The following MAF variants were observed in gnomAD, a reference collection of about 807,000 sequenced individuals.
The protein encoded by MAF is transcription factor Maf.
Under a neutral mutation model 22.0 loss-of-function variants are expected in MAF, and 10 were observed. That is an observed-to-expected ratio of 0.45 (90% confidence interval 0.28 to 0.77). The LOEUF is 0.77. Ranked by LOEUF, MAF falls within the 30% of genes least tolerant of loss-of-function variation. The probability of loss-of-function intolerance (pLI) is 0.12; values close to 1 mark genes in which losing one functional copy is unlikely to be tolerated. For synonymous variants in MAF, 337 were observed against 255.8 expected (o/e 1.32, Z -3.03); for missense variants, 544 against 548.4 (o/e 0.99, Z 0.08).
At chr16:79,496,208 A>G in the MAF span, among the ~76,000 whole-genome samples, 1 of 152,222 alleles carries the variant, frequency 6.6e-6, no homozygotes, top group South Asian at 2.1e-4. Context: ...TCAGATGGAA[A>G]TAAGTCTTAA....
At chr16:79,376,868 G>T in the MAF span, among the ~76,000 whole-genome samples, 1 of 152,126 alleles carries the variant, frequency 6.6e-6, no homozygotes, top group East Asian at 1.9e-4. Flanking sequence ...ATTTTTTATG[G>T]CTGCATAGTA....
At chr16:79,435,630 A>G in the MAF span, among the ~76,000 whole-genome samples, 1 of 152,184 alleles carries the variant, frequency 6.6e-6, no homozygotes, top group East Asian at 1.9e-4. Flanking sequence ...ACAGCTGGCC[A>G]GTGGCAGTTT....
At chr16:79,561,422 C>T in the MAF span, among the ~76,000 whole-genome samples, 113 of 151,418 alleles carry the variant, frequency 7.5e-4, no homozygotes, top group Non-Finnish European at 1.1e-3. Flanking sequence ...CCCATTAACT[C>T]GTCATTTACC....
chr16:79,216,774 T>A, the MAF span, among the ~76,000 whole-genome samples: 1 of 152,102 alleles, frequency 6.6e-6, no homozygotes, highest in Non-Finnish European at 1.5e-5. Flanking sequence ...ATTTGTAGTA[T>A]ATGATTTATG....
chr16:79,277,131 G>T, the MAF span, among the ~76,000 whole-genome samples: 1,511 of 152,202 alleles, frequency 9.9e-3, 27 homozygotes, highest in African/African-American at 0.034. Context: ...TCAAACTACT[G>T]GGTTCAAGCG....
chr16:79,236,995 G>T, the MAF span, among the ~76,000 whole-genome samples: 3 of 151,140 alleles, frequency 2.0e-5, no homozygotes, highest in Non-Finnish European at 4.4e-5. Flanking sequence ...CTTATGAGTT[G>T]GTTTAGAATC....
chr16:79,570,386 G>A, the MAF span, among the ~76,000 whole-genome samples: 172 of 152,012 alleles, frequency 1.1e-3, 1 homozygote, highest in African/African-American at 4.0e-3. Context: ...ACCCAGCCAT[G>A]TTCCCTCCTA....
chr16:79,473,589 G>A, the MAF span, among the ~76,000 whole-genome samples: 4 of 152,276 alleles, frequency 2.6e-5, no homozygotes, highest in East Asian at 7.7e-4. Flanking sequence ...GCACGATTCA[G>A]GGCATGCAGA....
the MAF span, among the ~76,000 whole-genome samples, chr16:79,365,449 G>A: frequency 7.2e-5 from 11 of 152,270 alleles, no homozygotes; most frequent in South Asian, 1.7e-3. Flanking sequence ...ACAGTGCCAG[G>A]GATATAGATG....
the MAF span, among the ~76,000 whole-genome samples, chr16:79,242,127 G>A: frequency 1.3e-5 from 2 of 151,908 alleles, no homozygotes; most frequent in African/African-American, 2.4e-5. Context: ...TGAAGAAACT[G>A]CAGCAACTAA....
At chr16:79,422,461 C>G in the MAF span, among the ~76,000 whole-genome samples, 1 of 152,148 alleles carries the variant, frequency 6.6e-6, no homozygotes, top group African/African-American at 2.4e-5. Context: ...AGACCTGATT[C>G]CCACCTTGAC....
downstream of MAF, among the ~76,000 whole-genome samples, chr16:79,589,794 G>C (rs1457547948): frequency 6.6e-6 from 1 of 152,204 alleles, no homozygotes; most frequent in Non-Finnish European, 1.5e-5. Flanking sequence ...GCTCCTGCAG[G>C]GGTGCGGGAG....
the MAF span, among the ~76,000 whole-genome samples, chr16:79,533,168 A>G: frequency 3.9e-5 from 6 of 152,154 alleles, no homozygotes; most frequent in African/African-American, 1.4e-4. Context: ...ATTAGCCAAG[A>G]AATTATTTAT....
the MAF span, among the ~76,000 whole-genome samples, chr16:79,394,116 G>C: frequency 2.6e-5 from 4 of 152,156 alleles, no homozygotes; most frequent in African/African-American, 9.7e-5. Context: ...TGCCCATGGA[G>C]TTCTCAGCAA....
chr16:79,250,741 C>T, the MAF span, among the ~76,000 whole-genome samples: 40 of 152,150 alleles, frequency 2.6e-4, no homozygotes, highest in African/African-American at 9.4e-4. Flanking sequence ...ATAATAAATT[C>T]GTTTGAGAAA....
chr16:79,238,831 G>T, the MAF span, among the ~76,000 whole-genome samples: 22 of 151,986 alleles, frequency 1.4e-4, no homozygotes, highest in Admixed American at 5.9e-4. Flanking sequence ...TTTTTCTTGG[G>T]GGATATAGGA....
chr16:79,585,882 CTT>C, exon 2 of MAF: 3 of 673,254 alleles, frequency 4.5e-6, no homozygotes, highest in Non-Finnish European at 7.9e-6. Flanking sequence ...AGATGTACCT[CTT>C]TGACTTCAGG....
chr16:79,214,444 C>T, the MAF span, among the ~76,000 whole-genome samples: 4 of 152,140 alleles, frequency 2.6e-5, no homozygotes, highest in Admixed American at 6.5e-5. Flanking sequence ...TTACCACTGT[C>T]GCCCGGGCTG....
At chr16:79,338,595 G>C in the MAF span, among the ~76,000 whole-genome samples, 6 of 151,992 alleles carry the variant, frequency 3.9e-5, no homozygotes, top group Admixed American at 2.0e-4. Flanking sequence ...ATACTTTTTA[G>C]AAATTTTCAA....
Sources: allele counts gnomAD v4.1 joint callset (sites outside exome capture counted in the v4.1 genomes callset), GRCh38; gene constraint gnomAD v4.1.1; transcripts MANE v1.5; gene names NCBI Gene and HGNC (gene_info 2026-07-23, HGNC 2026-07-21).